ST18: variants seen among roughly 807,000 people sequenced by gnomAD.
ST18 encodes ST18 C2H2C-type zinc finger transcription factor, also known as suppression of tumorigenicity 18 protein.
ST18 carries 50 observed loss-of-function variants against 110.0 expected under a neutral mutation model. That is an observed-to-expected ratio of 0.45 (90% CI 0.36 to 0.58). The LOEUF is 0.58. ST18 is among the 20% of genes least tolerant of loss of function. The pLI, the probability that ST18 is intolerant of heterozygous loss-of-function variation, is 0.00. For synonymous variants in ST18, 461 were observed against 452.4 expected (o/e 1.02, Z -0.24); for missense variants, 1,306 against 1,280.1 (o/e 1.02, Z -0.31).
At chr8:52,343,676 T>C (rs949886026) in intron 2 of ST18, among the ~76,000 whole-genome samples, 26 of 152,216 alleles carry the variant, frequency 1.7e-4, no homozygotes, top group Non-Finnish European at 1.6e-4. Flanking sequence ...ATGGTCGCTA[T>C]GAATCAACAA....
At chr8:52,303,611 T>A (rs1453867759) in intron 2 of ST18, among the ~76,000 whole-genome samples, 1 of 152,208 alleles carries the variant, frequency 6.6e-6, no homozygotes, top group Non-Finnish European at 1.5e-5. Flanking sequence ...CAACATTTGA[T>A]AAGCCTCAAT....
chr8:52,139,395 G>A lies in ST18; in HGVS notation c.2169-1912C>T, dbSNP rs28482106. ...TTTTGAGACAGAGTCTCGCTTTGTC[G>A]CTCAGGCTGGAGTACAGTGGCGCAA... On this transcript the variant is annotated intron_variant, in intron 17 of 25. Transcript: ENST00000689386. 8.3e-3 allele frequency among the ~76,000 whole-genome samples: 1,242 copies of A among 150,056 alleles called. 20 individuals carry two copies. Among genetic ancestry groups the A allele is most frequent in the African/African-American group, 0.027 (1,111 of 40,890 alleles).
chr8:52,156,848 G>A (rs1373139233), intron 15 of ST18, among the ~76,000 whole-genome samples: 1 of 152,174 alleles, frequency 6.6e-6, no homozygotes, highest in African/African-American at 2.4e-5. Context: ...ACTATGCAAA[G>A]GAGACAATTT....
intron 8 of ST18, among the ~76,000 whole-genome samples, chr8:52,198,422 T>A (rs2076888735): frequency 6.6e-6 from 1 of 152,192 alleles, no homozygotes; most frequent in Admixed American, 6.5e-5. Flanking sequence ...CACAAAAAAC[T>A]AAAAACCTAT....
At chr8:52,179,667 A>T (rs1318005108) in intron 9 of ST18, among the ~76,000 whole-genome samples, 1 of 152,160 alleles carries the variant, frequency 6.6e-6, no homozygotes, top group Non-Finnish European at 1.5e-5. Flanking sequence ...AATTAAAAAA[A>T]ATTTTTAACT....
At chr8:52,321,817 G>A (rs181843745) in intron 2 of ST18, among the ~76,000 whole-genome samples, 1 of 152,290 alleles carries the variant, frequency 6.6e-6, no homozygotes, top group East Asian at 1.9e-4. Flanking sequence ...AGTGAAAGTA[G>A]GTCCTCATCC....
At chr8:52,379,747 T>C (rs1025287157) in intron 2 of ST18, among the ~76,000 whole-genome samples, 14 of 152,148 alleles carry the variant, frequency 9.2e-5, no homozygotes, top group Non-Finnish European at 1.3e-4. Flanking sequence ...ACACATATAC[T>C]TACAGACCAT....
At chr8:52,231,251 T>A (rs1292850695) in intron 2 of ST18, among the ~76,000 whole-genome samples, 1 of 152,184 alleles carries the variant, frequency 6.6e-6, no homozygotes, top group African/African-American at 2.4e-5. Context: ...AGTGTGCCCT[T>A]ATATATTTTC....
At position 52,172,311 on chromosome 8, in the gene ST18, G is replaced by C; in HGVS notation, c.550C>G (p.Pro184Ala). The C allele has an allele frequency of 6.2e-7, 1 of 1,614,124 alleles. No homozygotes were observed. The highest frequency in any genetic ancestry group is 8.5e-7 in the Non-Finnish European group (1 of 1,180,036). ...TTGTCATCAGAGGAGCAGAAGGGTG[G>C]CTGAGAATCATCAATCTTGTCTCTT... ...DGRDKIDDSQ[P>A]PFCSSDDNES... Residue 184 changes from proline (P) to alanine (A), a missense_variant, in exon 10 of 26, where the codon CCA (proline) becomes GCA (alanine). Coordinates refer to ENST00000689386, the MANE Select transcript of ST18 (RefSeq NM_001352837.2).
intron 2 of ST18, among the ~76,000 whole-genome samples, chr8:52,240,106 T>G (rs2093249532): frequency 6.6e-6 from 1 of 152,132 alleles, no homozygotes; most frequent in African/African-American, 2.4e-5. Context: ...CATTTTCCCT[T>G]TAGCCTTTCT....
At chr8:52,138,509 A>G (rs2053432283) in intron 17 of ST18, among the ~76,000 whole-genome samples, 1 of 152,220 alleles carries the variant, frequency 6.6e-6, no homozygotes, top group African/African-American at 2.4e-5. Context: ...GCTTGAGCCT[A>G]GGAGTTCGAG....
intron 15 of ST18, chr8:52,154,684 T>A (rs549308488): frequency 6.6e-6 from 1 of 152,188 alleles, no homozygotes; most frequent in African/African-American, 2.4e-5. Flanking sequence ...TAATTCCAAA[T>A]TAAAATGAAG....
chr8:52,258,253 T>G (rs1229446429), intron 2 of ST18, among the ~76,000 whole-genome samples: 1 of 152,218 alleles, frequency 6.6e-6, no homozygotes, highest in African/African-American at 2.4e-5. Flanking sequence ...TTGTTTTGAC[T>G]ATTATGGGTC....
intron 8 of ST18, among the ~76,000 whole-genome samples, chr8:52,209,549 A>T (rs2081341244): frequency 6.6e-6 from 1 of 151,934 alleles, no homozygotes; most frequent in African/African-American, 2.4e-5. Flanking sequence ...AGGTGGGTGG[A>T]TCACCTGAGA....
rs988182757 is a variant in ST18 at position 52,234,085 on chromosome 8, T to C, written c.-464-4008A>G. Among the ~76,000 whole-genome samples, 24 of 152,344 alleles carry C rather than the reference T, an allele frequency of 1.6e-4. 1 individual carries two copies. The highest frequency in any genetic ancestry group is 1.0e-3 in the Admixed American group (16 of 15,314). The stretch of plus-strand genomic sequence containing the variant: ...GTTTTCTGTCCAAGGTAACAGATTA[T>C]GTATTTTTTGGCTATGTTAACTTTT... On this transcript the variant is annotated intron_variant, in intron 2 of 25. Coordinates refer to ENST00000689386, the MANE Select transcript of ST18 (RefSeq NM_001352837.2).
rs1203429617 is a variant in ST18, at chr8:52,171,939, G to C, written c.922C>G (p.Gln308Glu). 6.2e-7 allele frequency: 1 copy of C among 1,614,046 alleles called. No homozygotes were observed. Among genetic ancestry groups the C allele is most frequent in the Non-Finnish European group, 8.5e-7 (1 of 1,180,034 alleles). The change falls in exon 10 of 26, where the codon CAG becomes GAG. Residue 308 changes from glutamine to glutamate, a missense_variant. Coordinates refer to ENST00000689386, the MANE Select transcript of ST18 (RefSeq NM_001352837.2). Reference protein sequence around the residue: ...KAKGNLSLLEQAIALQAERGC... With the variant: ...KAKGNLSLLEEAIALQAERGC... ...CGCTCAGCCTGCAGAGCAATTGCCT[G>C]CTCCAGCAAACTTAAATTCCCCTTG...
chr8:52,401,059 CT>C (rs557567082), intron 2 of ST18, among the ~76,000 whole-genome samples: 117 of 152,174 alleles, frequency 7.7e-4, no homozygotes, highest in Middle Eastern at 3.4e-3. Context: ...GACTTTATTT[CT>C]CCTTTATTTT....
chr8:52,340,328 T>G (rs556199445), intron 2 of ST18, among the ~76,000 whole-genome samples: 2 of 152,356 alleles, frequency 1.3e-5, no homozygotes, highest in East Asian at 3.9e-4. Flanking sequence ...ATTTCACTGG[T>G]GTACGTTTTA....
chr8:52,316,152 A>G (rs1006357714), intron 2 of ST18, among the ~76,000 whole-genome samples: 4 of 152,234 alleles, frequency 2.6e-5, no homozygotes, highest in African/African-American at 9.6e-5. Flanking sequence ...TTCTAATTAG[A>G]ATCTCACAGT....
Sources: gnomAD v4.1 joint callset for allele counts (sites outside exome capture counted in the v4.1 genomes callset) on GRCh38, gnomAD v4.1.1 for gene constraint, MANE v1.5 for transcripts, NCBI Gene and HGNC (gene_info 2026-07-23, HGNC 2026-07-21) for gene names.